NUP210L: variants seen among roughly 807,000 people sequenced by gnomAD.
NUP210L encodes the protein nuclear pore membrane glycoprotein 210-like.
A neutral mutation model predicts 208.5 loss-of-function variants in NUP210L; 74 were observed. The ratio of observed to expected loss-of-function variants is 0.35; its 90% CI spans 0.29 to 0.43. NUP210L has a LOEUF of 0.43. NUP210L is among the 20% of genes least tolerant of loss of function. NUP210L has a pLI of 1.00. For synonymous variants in NUP210L, 780 were observed against 816.9 expected, an observed-to-expected ratio of 0.95 and a Z score of 0.77; for missense variants, 1,843 against 2,289.4, an observed-to-expected ratio of 0.81 and a Z score of 3.98.
chr1:154,013,049 C>T (rs1651032157), intron 33 of NUP210L, among the ~76,000 whole-genome samples: 2 of 144,846 alleles, frequency 1.4e-5, no homozygotes, highest in African/African-American at 5.1e-5. Context: ...TGGCCAGGCG[C>T]GGTGGCTCAG....
chr1:154,074,060 A>G (rs1654917633), intron 16 of NUP210L, among the ~76,000 whole-genome samples: 1 of 150,452 alleles, frequency 6.6e-6, no homozygotes, highest in Non-Finnish European at 1.5e-5. Flanking sequence ...AGAGTCTGTT[A>G]AAAATTTACT....
At chr1:154,009,792 C>CAA (rs373230285) in intron 35 of NUP210L, among the ~76,000 whole-genome samples, 180 bp downstream of exon 35, 12 of 64,538 alleles carry the variant, frequency 1.9e-4, no homozygotes, top group South Asian at 1.1e-3. Context: ...GACCCAGTCT[C>CAA]AAAAAAAAAA....
At chr1:154,098,076 G>A (rs1429177365) in intron 14 of NUP210L, among the ~76,000 whole-genome samples, 1 of 152,242 alleles carries the variant, frequency 6.6e-6, no homozygotes, top group East Asian at 1.9e-4. Flanking sequence ...TCCAGCCACT[G>A]CAGTCAGGCA....
chr1:154,046,994 G>A (rs779459283), intron 25 of NUP210L, among the ~76,000 whole-genome samples: 2 of 152,106 alleles, frequency 1.3e-5, no homozygotes, highest in Non-Finnish European at 2.9e-5. Flanking sequence ...GGAGGCGGAG[G>A]TTGCAGTGAG....
intron 33 of NUP210L, among the ~76,000 whole-genome samples, chr1:154,017,612 G>A (rs1349372144): frequency 6.6e-6 from 1 of 151,134 alleles, no homozygotes; most frequent in Non-Finnish European, 1.5e-5. Flanking sequence ...TGCCTCCTGG[G>A]TTCAAGCGAT....
chr1:154,032,314 C>T (rs904908834), intron 27 of NUP210L, among the ~76,000 whole-genome samples: 25 of 152,110 alleles, frequency 1.6e-4, no homozygotes, highest in Non-Finnish European at 2.9e-4. Context: ...AATTTACATT[C>T]CCATCAACAG....
At chr1:154,010,551 A>C (rs1650848390) in intron 34 of NUP210L, among the ~76,000 whole-genome samples, 1 of 151,928 alleles carries the variant, frequency 6.6e-6, no homozygotes, top group East Asian at 1.9e-4. Flanking sequence ...AGTGGGAGTA[A>C]GATAGATTAC....
intron 10 of NUP210L, among the ~76,000 whole-genome samples, chr1:154,120,759 GGT>G (rs1355092393): frequency 6.6e-6 from 1 of 151,706 alleles, no homozygotes; most frequent in African/African-American, 2.4e-5. Context: ...AGCCAGGCAT[GGT>G]GGCATGCACC....
intron 27 of NUP210L, among the ~76,000 whole-genome samples, chr1:154,041,386 A>T (rs1652868855): frequency 1.3e-5 from 2 of 152,242 alleles, no homozygotes; most frequent in South Asian, 4.1e-4. Context: ...GCTGGAGTAC[A>T]GTGGTGCAAT....
intron 6 of NUP210L, 84 bp from the exon 7 acceptor site, chr1:154,136,056 T>A: frequency 1.1e-6 from 1 of 942,576 alleles, no homozygotes. Context: ...AAAGGAATGA[T>A]CAGGAAGCAG....
chr1:154,105,416 G>T (rs921121695), intron 12 of NUP210L, among the ~76,000 whole-genome samples: 2 of 151,444 alleles, frequency 1.3e-5, no homozygotes, highest in African/African-American at 4.9e-5. Context: ...TTGAACCCGG[G>T]GGGTGGAGGT....
intron 24 of NUP210L, 93 bp from the exon 25 acceptor site, chr1:154,054,500 A>C: frequency 8.5e-7 from 1 of 1,182,878 alleles, no homozygotes; most frequent in Non-Finnish European, 1.2e-6. Flanking sequence ...TGACTTCTTC[A>C]TCTTCCCCCA....
Position 154,061,577 on chromosome 1 carries a change from TC to T in NUP210L, c.2643+8del. 1 of 1,453,748 alleles carries T rather than the reference TC, an allele frequency of 6.9e-7. No individual in the cohort carries two copies. The allele number at this position is 1,453,748 out of a possible 1,614,324, so 90.1% of individuals were successfully genotyped here. ...AATTTATATTTCTTACATTATAATC[TC>T]CACTCACTTTTGGGCTTTTCTTCTC... On this transcript the variant is annotated splice_region_variant and intron_variant, in intron 18 of 39. Transcript: ENST00000368559.
chr1:153,999,848 CAG>C (rs957490381), intron 37 of NUP210L, among the ~76,000 whole-genome samples: 2 of 141,716 alleles, frequency 1.4e-5, no homozygotes, highest in African/African-American at 5.3e-5. Context: ...TTTTTTGAGA[CAG>C]GGTCTTGCTC....
Position 154,155,022 on chromosome 1 carries a change from G to A in NUP210L, c.23C>T (p.Ser8Leu), listed in dbSNP as rs1436998763. The change falls in exon 1 of 40, where the codon TCA becomes TTA. Residue 8 changes from serine to leucine, a missense_variant. By Grantham distance (145) the Ser-to-Leu change is moderately radical (BLOSUM62 -2). Coordinates refer to ENST00000368559, the Ensembl canonical transcript of NUP210L. ...AAAGAGCCCGAAGCCTCGGCGTCTT[G>A]ATGACGCCGGACAGCCAGTCATGGC... 1 of 1,608,918 alleles carries A rather than the reference G, an allele frequency of 6.2e-7. No homozygotes were observed. The highest frequency in any genetic ancestry group is 8.5e-7 in the Non-Finnish European group (1 of 1,177,720).
At chr1:154,041,319 T>C (rs1652865121) in intron 27 of NUP210L, among the ~76,000 whole-genome samples, 1 of 152,008 alleles carries the variant, frequency 6.6e-6, no homozygotes, top group African/African-American at 2.4e-5. Context: ...ATTTTGTTTG[T>C]TTATGTATTT....
At chr1:154,123,982 G>A (rs1657752173) in intron 10 of NUP210L, among the ~76,000 whole-genome samples, 2 of 151,752 alleles carry the variant, frequency 1.3e-5, no homozygotes, top group Non-Finnish European at 1.5e-5. Flanking sequence ...AGGAGTTCGA[G>A]ACCAGCCTGG....
At chr1:154,057,171 G>T (rs529519220) in intron 22 of NUP210L, among the ~76,000 whole-genome samples, 2 of 152,122 alleles carry the variant, frequency 1.3e-5, no homozygotes, top group African/African-American at 4.8e-5. Context: ...TAGAGCCGGG[G>T]TCTCACTGTG....
At chr1:153,999,758 G>C (rs1218157324) in intron 37 of NUP210L, among the ~76,000 whole-genome samples, 2 of 138,354 alleles carry the variant, frequency 1.4e-5, no homozygotes, top group Non-Finnish European at 3.1e-5. Context: ...AAAAAAAAAA[G>C]GTTTAAAATA....
Sources: gnomAD v4.1 joint callset for allele counts (sites outside exome capture counted in the v4.1 genomes callset) on GRCh38, gnomAD v4.1.1 for gene constraint, MANE v1.5 for transcripts, NCBI Gene and HGNC (gene_info 2026-07-23, HGNC 2026-07-21) for gene names.